The following OTOGL variants were observed in gnomAD, a reference collection of about 807,000 sequenced individuals.
The protein encoded by OTOGL is otogelin like, also known as otogelin-like protein.
In OTOGL, 285 loss-of-function variants were observed where a neutral mutation model predicts 318.5. That is an observed-to-expected ratio of 0.89 (90% CI 0.81 to 0.99). OTOGL has a LOEUF of 0.99. OTOGL is among the 50% of genes least tolerant of loss of function. The pLI is 0.00. For synonymous variants in OTOGL, 987 were observed against 936.5 expected (o/e 1.05, Z -0.99); for missense variants, 2,899 against 2,845.6 (o/e 1.02, Z -0.43).
intron 24 of OTOGL, among the ~76,000 whole-genome samples, chr12:80,275,882 A>G (rs552164760): frequency 2.8e-4 from 42 of 151,476 alleles, no homozygotes; most frequent in African/African-American, 9.7e-4. Context: ...AGGTATGTAT[A>G]TTTTTTAGAT....
chr12:80,357,299 G>A (rs915746916), intron 49 of OTOGL, among the ~76,000 whole-genome samples: 1 of 152,046 alleles, frequency 6.6e-6, no homozygotes, highest in African/African-American at 2.4e-5. Flanking sequence ...TCATGTTTGA[G>A]GTATGATGAT....
At chr12:80,286,564 C>G (rs922313446) in intron 26 of OTOGL, among the ~76,000 whole-genome samples, 2 of 152,102 alleles carry the variant, frequency 1.3e-5, no homozygotes, top group Non-Finnish European at 2.9e-5. Flanking sequence ...TGTTATTGGT[C>G]TATTCAGGGA....
intron 1 of OTOGL, among the ~76,000 whole-genome samples, chr12:80,147,135 A>G (rs1259469995): frequency 6.6e-6 from 1 of 151,696 alleles, no homozygotes; most frequent in Non-Finnish European, 1.5e-5. Flanking sequence ...TAGTTGTTTT[A>G]ATTGTGATGT....
chr12:80,249,183 T>C (rs1213093728), intron 11 of OTOGL, among the ~76,000 whole-genome samples: 2 of 148,136 alleles, frequency 1.4e-5, no homozygotes, highest in Non-Finnish European at 3.0e-5. Flanking sequence ...TCATTCTCCA[T>C]CCAGCTTTGT....
intron 1 of OTOGL, among the ~76,000 whole-genome samples, chr12:80,205,109 A>T (rs575078863): frequency 1.3e-5 from 2 of 152,220 alleles, no homozygotes; most frequent in African/African-American, 4.8e-5. Context: ...TAAAGTAAGT[A>T]CATAAAAATT....
chr12:80,295,475 C>T (rs1186022674), intron 26 of OTOGL, among the ~76,000 whole-genome samples: 1 of 152,162 alleles, frequency 6.6e-6, no homozygotes, highest in Admixed American at 6.5e-5. Flanking sequence ...CCGCGTCTGG[C>T]CTATGATTGC....
Position 80,222,166 on chromosome 12 carries a change from T to C in OTOGL, c.410T>C (p.Ile137Thr). The change falls in exon 7 of 59, where the codon ATC becomes ACC. Residue 137 changes from isoleucine to threonine, a missense_variant. Transcript: ENST00000547103. ...TATCATTTTGAAACATTCGATGGCA[T>C]CTACTATTACTTCCCAGGAAACTGT... is the stretch of plus-strand genomic sequence containing the variant. Reference protein sequence around the residue: ...GQYHFETFDGIYYYFPGNCSY... With the variant: ...GQYHFETFDGTYYYFPGNCSY... 3 of 1,597,820 alleles carry C rather than the reference T, an allele frequency of 1.9e-6. No homozygotes were observed. The highest frequency in any genetic ancestry group is 2.5e-6 in the Non-Finnish European group (3 of 1,178,306).
chr12:80,352,522 A>G, intron 45 of OTOGL, 86 bp downstream of exon 45: 4 of 1,151,528 alleles, frequency 3.5e-6, no homozygotes, highest in Non-Finnish European at 4.7e-6. Flanking sequence ...CTTTTTTATC[A>G]TGAACTAATT....
chr12:80,141,017 G>A (rs1871900817), intron 1 of OTOGL, among the ~76,000 whole-genome samples: 2 of 152,122 alleles, frequency 1.3e-5, no homozygotes, highest in African/African-American at 4.8e-5. Context: ...GTTAAAAATA[G>A]TTTGCTCCAC....
At chr12:80,249,952 T>C (rs1442008289) in intron 11 of OTOGL, among the ~76,000 whole-genome samples, 3 of 152,056 alleles carry the variant, frequency 2.0e-5, no homozygotes, top group Non-Finnish European at 4.4e-5. Flanking sequence ...CAGCCCTTTC[T>C]TTGACTCGGA....
chr12:80,249,166 G>A (rs1005685553), intron 11 of OTOGL, among the ~76,000 whole-genome samples: 14 of 147,808 alleles, frequency 9.5e-5, no homozygotes, highest in African/African-American at 3.1e-4. Context: ...CTCTCAGCTC[G>A]TCAAAATCAT....
chr12:80,115,109 A>G (rs369835229), intron 1 of OTOGL, among the ~76,000 whole-genome samples: 1 of 151,666 alleles, frequency 6.6e-6, no homozygotes, highest in Non-Finnish European at 1.5e-5. Flanking sequence ...AATTCGTCAA[A>G]CTCATTCTCT....
intron 52 of OTOGL, among the ~76,000 whole-genome samples, chr12:80,363,426 C>A (rs1258553478): frequency 6.6e-6 from 1 of 152,044 alleles, no homozygotes; most frequent in Admixed American, 6.6e-5. Flanking sequence ...ACTGGTATAG[C>A]CATTTACGAA....
rs192944055 is a variant in OTOGL, at chr12:80,266,583, T to C, written c.2357T>C (p.Phe786Ser). ...GGCTGTAATTGTCCGGAAGGCAAAT[T>C]CTATGAAGACACTCTTAACTTTTGT... The part of the protein sequence containing the change: ...AEGCNCPEGK[F>S]YEDTLNFCVP... Residue 786 changes from phenylalanine (F) to serine (S), a missense_variant, in exon 21 of 59, where the codon TTC becomes TCC. Coordinates refer to ENST00000547103, the MANE Select transcript of OTOGL (RefSeq NM_001378609.3). 226 of 1,613,516 alleles carry C rather than the reference T, an allele frequency of 1.4e-4. No individual in the cohort carries two copies. In the African/African-American group the frequency reaches 2.9e-3, roughly 21 times the overall value.
intron 44 of OTOGL, among the ~76,000 whole-genome samples, chr12:80,342,815 A>C (rs933511641): frequency 1.3e-5 from 2 of 152,186 alleles, no homozygotes; most frequent in African/African-American, 4.8e-5. Flanking sequence ...CAGATACATT[A>C]AAGTGTACAT....
chr12:80,174,746 C>T (rs998397558), intron 1 of OTOGL, among the ~76,000 whole-genome samples: 1 of 152,024 alleles, frequency 6.6e-6, no homozygotes. Context: ...TTATTCTTCT[C>T]CCCAGTGAGC....
chr12:80,119,243 A>G (rs889761095), intron 1 of OTOGL, among the ~76,000 whole-genome samples: 3 of 152,208 alleles, frequency 2.0e-5, no homozygotes, highest in African/African-American at 4.8e-5. Context: ...GAAGAATGCA[A>G]GACTCTCTCT....
intron 4 of OTOGL, among the ~76,000 whole-genome samples, chr12:80,217,087 T>C (rs781106140): frequency 6.6e-6 from 1 of 152,072 alleles, no homozygotes; most frequent in African/African-American, 2.4e-5. Context: ...TCTTTACCGA[T>C]TGGTGTGCAG....
At chr12:80,234,050 C>T (rs75538569) in intron 9 of OTOGL, among the ~76,000 whole-genome samples, 121 of 152,212 alleles carry the variant, frequency 7.9e-4, no homozygotes, top group African/African-American at 2.9e-3. Flanking sequence ...CCTTTCCTCT[C>T]CTTTCTTTTC....
Sources: gnomAD v4.1 joint callset for allele counts (sites outside exome capture counted in the v4.1 genomes callset) on GRCh38, gnomAD v4.1.1 for gene constraint, MANE v1.5 for transcripts, NCBI Gene and HGNC (gene_info 2026-07-23, HGNC 2026-07-21) for gene names.